The following PTH2R variants were observed in gnomAD, a reference collection of about 807,000 sequenced individuals.
PTH2R encodes parathyroid hormone 2 receptor, also known as PTH2 receptor.
In PTH2R, 59 loss-of-function variants were observed where a neutral mutation model predicts 60.3. The observed-to-expected ratio is 0.98, with a 90% CI of 0.79 to 1.22. The LOEUF (loss-of-function observed/expected upper bound fraction) is 1.22. Ranked by LOEUF, PTH2R falls within the 50% of genes most tolerant of loss-of-function variation. The pLI, the probability that PTH2R is intolerant of heterozygous loss-of-function variation, is 0.00. For missense variants in PTH2R, 749 were observed against 682.6 expected, an observed-to-expected ratio of 1.10 and a Z score of -1.08; for synonymous variants, 256 against 243.8, an observed-to-expected ratio of 1.05 and a Z score of -0.47.
At position 208,437,603 on chromosome 2, in the gene PTH2R, C is replaced by T. The variant is rs61742329; in HGVS notation, c.245C>T (p.Ser82Leu). 6.8e-6 allele frequency: 11 copies of T among 1,613,568 alleles called. No homozygotes were observed. The highest frequency in any genetic ancestry group is 2.2e-5 in the East Asian group (1 of 44,864). Residue 82 changes from serine to leucine, a missense_variant, in exon 3 of 13, where the codon TCG becomes TTG. Transcript: ENST00000272847. ...CWPRGTVGKISAVPCPPYIYD... is the reference protein window; with the variant it reads ...CWPRGTVGKILAVPCPPYIYD... The stretch of plus-strand genomic sequence containing the variant: ...CCCAGAGGAACAGTGGGGAAAATAT[C>T]GGCTGTTCCATGCCCTCCTTATATT...
intron 9 of PTH2R, among the ~76,000 whole-genome samples, chr2:208,476,089 G>T (rs1327592068): frequency 2.0e-5 from 3 of 152,036 alleles, no homozygotes; most frequent in African/African-American, 4.8e-5. Context: ...TCTAGTAAAG[G>T]CCTTTAGGAA....
At chr2:208,410,470 C>T (rs1314992270) in intron 1 of PTH2R, among the ~76,000 whole-genome samples, 1 of 152,166 alleles carries the variant, frequency 6.6e-6, no homozygotes, top group Non-Finnish European at 1.5e-5. Context: ...TCCCAGCAAT[C>T]TCCGCCCCGA....
At chr2:208,365,940 ATATATATATATATATATATATTTTTTT>A (rs1349800349) in intron 1 of PTH2R, among the ~76,000 whole-genome samples, 45 of 13,518 alleles carry the variant, frequency 3.3e-3, no homozygotes, top group Middle Eastern at 0.036. Flanking sequence ...ATATATATAT[ATATATATATATATATATATATTTTTTT>A]TTTTTTTTTT....
intron 1 of PTH2R, among the ~76,000 whole-genome samples, chr2:208,388,964 G>A (rs1165835956): frequency 6.6e-6 from 1 of 152,236 alleles, no homozygotes; most frequent in African/African-American, 2.4e-5. Context: ...AGGACTCATC[G>A]AAGCATAGCA....
chr2:208,387,776 A>G (rs1210156473), intron 1 of PTH2R, among the ~76,000 whole-genome samples: 1 of 152,206 alleles, frequency 6.6e-6, no homozygotes, highest in Admixed American at 6.5e-5. Flanking sequence ...AGAGACCTGT[A>G]TGTCTCACTC....
At chr2:208,383,484 G>A (rs1024823038) in intron 1 of PTH2R, among the ~76,000 whole-genome samples, 1 of 152,148 alleles carries the variant, frequency 6.6e-6, no homozygotes, top group Admixed American at 6.5e-5. Context: ...TGTTGCAAAA[G>A]GCAGACATGC....
chr2:208,477,807 A>G (rs1703041644), intron 9 of PTH2R, among the ~76,000 whole-genome samples: 1 of 151,624 alleles, frequency 6.6e-6, no homozygotes. Context: ...TTTTTCCTAC[A>G]TGAAGTTTAC....
At chr2:208,384,979 G>T (rs1253372280) in intron 1 of PTH2R, among the ~76,000 whole-genome samples, 18 of 152,090 alleles carry the variant, frequency 1.2e-4, no homozygotes, top group Admixed American at 1.2e-3. Context: ...GAATAAAAAA[G>T]CCTAAGCAAA....
chr2:208,368,962 C>G (rs1044448920), intron 1 of PTH2R, among the ~76,000 whole-genome samples: 1 of 152,172 alleles, frequency 6.6e-6, no homozygotes, highest in Non-Finnish European at 1.5e-5. Flanking sequence ...CAACCCTCCA[C>G]TGTCATTGTT....
intron 2 of PTH2R, among the ~76,000 whole-genome samples, chr2:208,434,165 T>C (rs1284860368): frequency 2.0e-5 from 3 of 151,990 alleles, no homozygotes; most frequent in African/African-American, 7.2e-5. Flanking sequence ...AATACAAAAA[T>C]TAGCTGGGTG....
At chr2:208,389,626 G>T (rs527895090) in intron 1 of PTH2R, among the ~76,000 whole-genome samples, 1 of 152,264 alleles carries the variant, frequency 6.6e-6, no homozygotes, top group South Asian at 2.1e-4. Context: ...CCCATGAGGG[G>T]AAGTAATGAA....
exon 1 of PTH2R, chr2:208,359,811 C>T (rs1191904139): frequency 1.9e-5 from 3 of 156,314 alleles, no homozygotes; most frequent in Non-Finnish European, 4.3e-5. Flanking sequence ...CGCCCCCTGC[C>T]TGGGTTCCTG....
intron 1 of PTH2R, among the ~76,000 whole-genome samples, chr2:208,413,609 T>C (rs763859655): frequency 1.3e-5 from 2 of 152,252 alleles, no homozygotes; most frequent in African/African-American, 2.4e-5. Flanking sequence ...TTTTAACATA[T>C]GGAATGTAAA....
intron 1 of PTH2R, among the ~76,000 whole-genome samples, chr2:208,395,700 G>A (rs572302669): frequency 6.6e-6 from 1 of 152,226 alleles, no homozygotes; most frequent in Non-Finnish European, 1.5e-5. Flanking sequence ...ATGGACTGTC[G>A]GAGGCTGGGT....
intron 2 of PTH2R, among the ~76,000 whole-genome samples, chr2:208,433,569 T>G (rs1702014935): frequency 6.6e-6 from 1 of 152,206 alleles, no homozygotes. Flanking sequence ...AATTCTAGTT[T>G]GTGAGTATAT....
intron 9 of PTH2R, among the ~76,000 whole-genome samples, chr2:208,470,396 A>G (rs945286247): frequency 1.3e-5 from 2 of 152,184 alleles, no homozygotes; most frequent in African/African-American, 4.8e-5. Context: ...CTGTGTCCCC[A>G]TCCAGATCTC....
intron 1 of PTH2R, among the ~76,000 whole-genome samples, chr2:208,425,979 T>A (rs999537289): frequency 2.2e-4 from 33 of 152,184 alleles, no homozygotes; most frequent in African/African-American, 7.5e-4. Context: ...GTAGGGCTTT[T>A]GTTTATATTT....
At chr2:208,418,007 A>G (rs900406341) in intron 1 of PTH2R, among the ~76,000 whole-genome samples, 4 of 152,218 alleles carry the variant, frequency 2.6e-5, no homozygotes, top group African/African-American at 9.6e-5. Flanking sequence ...GAAAGCCATG[A>G]GAATTTACTA....
intron 1 of PTH2R, among the ~76,000 whole-genome samples, chr2:208,370,436 C>T (rs1216089256): frequency 2.7e-5 from 2 of 73,300 alleles, no homozygotes; most frequent in African/African-American, 5.4e-5. Flanking sequence ...GAACGAGACT[C>T]CGTCTCAAAA....
Sources: allele counts gnomAD v4.1 joint callset (sites outside exome capture counted in the v4.1 genomes callset), GRCh38; gene constraint gnomAD v4.1.1; transcripts MANE v1.5; gene names NCBI Gene and HGNC (gene_info 2026-07-23, HGNC 2026-07-21).